KBTBD11: variants seen among roughly 807,000 people sequenced by gnomAD.
KBTBD11 encodes the protein kelch repeat and BTB domain containing 11, also known as kelch repeat and BTB domain-containing protein 11.
For synonymous variants in KBTBD11, 747 were observed against 499.0 expected, an observed-to-expected ratio of 1.50 and a Z score of -6.63; for missense variants, 1,390 against 1,001.8, an observed-to-expected ratio of 1.39 and a Z score of -5.23.
chr8:1,993,568 TC>T (rs1817016718), intron 1 of KBTBD11, among the ~76,000 whole-genome samples: 10 of 100,744 alleles, frequency 9.9e-5, no homozygotes, highest in African/African-American at 3.8e-4. Flanking sequence ...CATCCATCCA[TC>T]CATCCATCCA....
In KBTBD11 at chr8:2,002,034, G is replaced by C. The variant is rs745777013; in HGVS notation, c.842G>C (p.Arg281Pro). Residue 281 changes from arginine to proline, a missense_variant, in exon 2 of 2, where the codon CGG becomes CCG. Arg to Pro is a moderately radical substitution (Grantham distance 103). Transcript: ENST00000320248. The surrounding 1 kb of genome is among the most constrained non-coding windows in gnomAD (Gnocchi z 4.1). ...AVFGRLSGAE[R>P]DLLLRRRLRA... ...TTCGGCCGCCTGTCGGGCGCAGAGC[G>C]GGACCTGCTGCTGCGCCGCCGCCTG... 2 of 1,322,024 alleles carry C rather than the reference G, an allele frequency of 1.5e-6. No homozygotes were observed. The highest frequency in any genetic ancestry group is 2.0e-6 in the Non-Finnish European group (2 of 1,024,554). 81.9% of individuals were successfully genotyped at this position (1,322,024 alleles called of 1,614,324 possible).
intron 1 of KBTBD11, chr8:1,974,738 C>T (rs1020052813): frequency 1.0e-6 from 1 of 983,740 alleles, no homozygotes; most frequent in East Asian, 1.1e-4. Flanking sequence ...GGGGCTCATT[C>T]TGGAGCATGA....
At chr8:1,982,142 A>G (rs75786776) in intron 1 of KBTBD11, among the ~76,000 whole-genome samples, 8,349 of 152,302 alleles carry the variant, frequency 0.055, 751 homozygotes, top group African/African-American at 0.18. Flanking sequence ...AGTTAAAAGT[A>G]TAGAGTTATT....
intron 1 of KBTBD11, among the ~76,000 whole-genome samples, chr8:1,976,954 G>GT (rs142405361): frequency 2.0e-5 from 3 of 152,298 alleles, no homozygotes; most frequent in Non-Finnish European, 4.4e-5. Flanking sequence ...TTATGGCTGA[G>GT]TTAAATTGAT....
At position 2,002,078 on chromosome 8, in the gene KBTBD11, C is replaced by G. The variant is rs1817394770; in HGVS notation, c.886C>G (p.Leu296Val). Residue 296 changes from leucine (L) to valine (V), a missense_variant, in exon 2 of 2, where the codon CTC becomes GTC. By Grantham distance (32) the Leu-to-Val change is conservative (BLOSUM62 1). Coordinates refer to ENST00000320248, the MANE Select transcript of KBTBD11 (RefSeq NM_014867.3). This position sits in a 1 kb window ranked among gnomAD's most constrained non-coding sequence, Gnocchi z 4.1. ...CCGCCTGCGCGCCGGCCGCGCCCAC[C>G]TCTTGGCCGCGGCGCTCGGGCCGGC... ...RRRLRAGRAH[L>V]LAAALGPAGE... 4 of 1,109,922 alleles carry G rather than the reference C, an allele frequency of 3.6e-6. No individual in the cohort carries two copies. Among genetic ancestry groups the G allele is most frequent in the African/African-American group, 1.7e-5 (1 of 59,670 alleles). 68.8% of individuals were successfully genotyped at this position (1,109,922 alleles called of 1,614,324 possible).
At chr8:1,994,021 CAG>C (rs1214279696) in intron 1 of KBTBD11, among the ~76,000 whole-genome samples, 1 of 151,552 alleles carries the variant, frequency 6.6e-6, no homozygotes, top group Non-Finnish European at 1.5e-5. Context: ...TGCAGTAGGA[CAG>C]AGGGGAGTGA....
chr8:2,001,844 G>C lies in KBTBD11; in HGVS notation c.652G>C (p.Gly218Arg), dbSNP rs1224127153. The C allele has an allele frequency of 5.7e-6, 7 of 1,231,620 alleles. No individual in the cohort carries two copies. The highest frequency in any genetic ancestry group is 7.1e-6 in the Non-Finnish European group (7 of 987,944). The allele number at this position is 1,231,620 out of a possible 1,614,324, so 76.3% of individuals were successfully genotyped here. ...CGGCGCGCGCCGCCTGCAGCTGCCCGGCGCCGCGCAGCGCGCCACCGACGC... is the reference window on the plus strand; with the variant it reads ...CGGCGCGCGCCGCCTGCAGCTGCCCCGCGCCGCGCAGCGCGCCACCGACGC... ...VAGARRLQLP[G>R]AAQRATDAVG... is the part of the protein sequence containing the mutation. Residue 218 changes from glycine to arginine, a missense_variant, in exon 2 of 2, where the codon GGC becomes CGC. By Grantham distance (125) the Gly-to-Arg change is moderately radical. Transcript: ENST00000320248.
chr8:1,980,228 CT>C (rs71211538), intron 1 of KBTBD11, among the ~76,000 whole-genome samples: 7,814 of 124,532 alleles, frequency 0.063, 736 homozygotes, highest in African/African-American at 0.22. Context: ...GATAATCAAA[CT>C]TTTTTTTTTT....
At position 2,003,028 on chromosome 8, in the gene KBTBD11, TGA is replaced by T; in HGVS notation, c.1839_1840del (p.Lys614AlafsTer90). 1 of 1,274,970 alleles carries T rather than the reference TGA, an allele frequency of 7.8e-7. No homozygotes were observed. The highest frequency in any genetic ancestry group is 9.9e-7 in the Non-Finnish European group (1 of 1,009,686). 79.0% of individuals were successfully genotyped at this position (1,274,970 alleles called of 1,614,324 possible). A position where few individuals can be genotyped will look rare whatever the true frequency, so the allele number is the denominator to read the frequency against. On this transcript the variant is annotated frameshift_variant, in exon 2 of 2. Transcript: ENST00000320248. LOFTEE classifies it low-confidence loss of function (END_TRUNC). ...VLIPFALSLP[E>X]KPPRGEQGAP ...TCATCCCGTTCGCTCTCAGCCTGCC[TGA>T]GAAGCCGCCCCGAGGGGAGCAGGGC...
chr8:1,985,719 G>T (rs1459150931), intron 1 of KBTBD11, among the ~76,000 whole-genome samples: 2 of 152,228 alleles, frequency 1.3e-5, no homozygotes, highest in African/African-American at 4.8e-5. Flanking sequence ...CAGCGCTTTG[G>T]GAGTCCCAGG....
chr8:2,002,657 CG>C lies in KBTBD11; in HGVS notation c.1466del (p.Arg489ProfsTer19). 1 of 1,574,110 alleles carries C rather than the reference CG, an allele frequency of 6.4e-7. No individual in the cohort carries two copies. The stretch of plus-strand genomic sequence containing the variant: ...GCAGGAGTGCCCGTGCAGCAGCAGC[CG>C]CGAGCGCTCGGCCGACATGGTGGCT... ...EWQECPCSSS[R>X]ERSADMVALD... On this transcript the variant is annotated frameshift_variant, in exon 2 of 2. Coordinates refer to ENST00000320248, the MANE Select transcript of KBTBD11 (RefSeq NM_014867.3). LOFTEE classifies it low-confidence loss of function (END_TRUNC). The surrounding 1 kb of genome is among the most constrained non-coding windows in gnomAD (Gnocchi z 4.1).
rs1189688455 is a variant in KBTBD11 at position 2,002,873 on chromosome 8, G to A, written c.1681G>A (p.Ala561Thr). 51 of 1,345,878 alleles carry A rather than the reference G, an allele frequency of 3.8e-5. No individual in the cohort carries two copies. The highest frequency in any genetic ancestry group is 4.1e-5 in the Admixed American group (1 of 24,638). 83.4% of individuals were successfully genotyped at this position (1,345,878 alleles called of 1,614,324 possible). A position where few individuals can be genotyped will look rare whatever the true frequency, so the allele number is the denominator to read the frequency against. The change falls in exon 2 of 2, where the codon GCC (alanine) becomes ACC (threonine). Residue 561 changes from alanine (A) to threonine (T), a missense_variant. Coordinates refer to ENST00000320248, the MANE Select transcript of KBTBD11 (RefSeq NM_014867.3). This position sits in a 1 kb window ranked among gnomAD's most constrained non-coding sequence, Gnocchi z 4.1. ...QPFRCAALDG[A>T]IYCVSRAGTW... ...CTTCCGCTGCGCCGCCCTGGACGGC[G>A]CCATCTACTGCGTGAGCCGCGCGGG...
In KBTBD11 at chr8:2,001,409, G is replaced by C. The variant is rs1385491676; in HGVS notation, c.217G>C (p.Val73Leu). The C allele has an allele frequency of 1.4e-6, 2 of 1,401,644 alleles. No homozygotes were observed. The highest frequency in any genetic ancestry group is 1.8e-6 in the Non-Finnish European group (2 of 1,082,466). 86.8% of individuals were successfully genotyped at this position (1,401,644 alleles called of 1,614,324 possible). A position where few individuals can be genotyped will look rare whatever the true frequency, so the allele number is the denominator to read the frequency against. The change falls in exon 2 of 2, where the codon GTG (valine) becomes CTG (leucine). Residue 73 changes from valine to leucine, a missense_variant. Coordinates refer to ENST00000320248, the MANE Select transcript of KBTBD11 (RefSeq NM_014867.3). Reference sequence around the variant, plus strand: ...CCCGCCCTCCAGCGGTGGCCCGCGGGTGGTGGAGCGGCAGTGGGAGGCCGG... The same window carrying C: ...CCCGCCCTCCAGCGGTGGCCCGCGGCTGGTGGAGCGGCAGTGGGAGGCCGG... ...TSPPSSGGPR[V>L]VERQWEAGSA...
At position 2,004,006 on chromosome 8, in the gene KBTBD11, A is replaced by C. The variant is rs965604873; in HGVS notation, c.*942A>C. 2 of 166,752 alleles carry C rather than the reference A, an allele frequency of 1.2e-5. No individual in the cohort carries two copies. The highest frequency in any genetic ancestry group is 1.3e-4 in the Admixed American group (2 of 15,262). The allele number at this position is 166,752 out of a possible 1,614,324, so 10.3% of individuals were successfully genotyped here. On this transcript the variant is annotated 3_prime_UTR_variant, in exon 2 of 2. Coordinates refer to ENST00000320248, the MANE Select transcript of KBTBD11 (RefSeq NM_014867.3). ...ATCATTTTGCTTTGACAGTTCTATA[A>C]AAAAAAGTGTAGGCACATTTTAAAC... is the stretch of plus-strand genomic sequence containing the variant.
At chr8:1,975,183 A>G (rs1281209614) in intron 1 of KBTBD11, 2 of 152,270 alleles carry the variant, frequency 1.3e-5, no homozygotes, top group African/African-American at 2.4e-5. Flanking sequence ...GGTAACTGGC[A>G]TTGCAATGCT....
chr8:1,982,740 G>A (rs1816580670), intron 1 of KBTBD11, among the ~76,000 whole-genome samples: 1 of 150,618 alleles, frequency 6.6e-6, no homozygotes, highest in South Asian at 2.1e-4. Context: ...ATGAGTTGCT[G>A]AGCACTTTTT....
intron 1 of KBTBD11, chr8:1,974,334 C>CGCCCCCGCCGAGGGT (rs1279845054): frequency 2.0e-6 from 2 of 984,456 alleles, no homozygotes; most frequent in Admixed American, 1.2e-4. Flanking sequence ...CCGCAGTCAC[C>CGCCCCCGCCGAGGGT]GCCCCCGCCG....
chr8:1,981,853 C>G (rs540801228), intron 1 of KBTBD11, among the ~76,000 whole-genome samples: 5 of 152,144 alleles, frequency 3.3e-5, no homozygotes, highest in Non-Finnish European at 7.3e-5. Context: ...TATTCGCTTC[C>G]CTGGTTCTGA....
In KBTBD11 at chr8:2,003,104, G is replaced by C; in HGVS notation, c.*40G>C. 7.9e-7 allele frequency: 1 copy of C among 1,257,924 alleles called. No homozygotes were observed. The highest frequency in any genetic ancestry group is 3.2e-5 in the East Asian group (1 of 31,654). The allele number at this position is 1,257,924 out of a possible 1,614,324, so 77.9% of individuals were successfully genotyped here. A position where few individuals can be genotyped will look rare whatever the true frequency, so the allele number is the denominator to read the frequency against. The stretch of plus-strand genomic sequence containing the variant: ...CGGGCGTCTCCCTCGGCAGGGGTTT[G>C]CGGGGCCCAGGTCCCTTTGGGCCCG... On this transcript the variant is annotated 3_prime_UTR_variant, in exon 2 of 2. Transcript: ENST00000320248.
Sources: allele counts gnomAD v4.1 joint callset (sites outside exome capture counted in the v4.1 genomes callset), GRCh38; gene constraint gnomAD v4.1.1; non-coding constraint Gnocchi (gnomAD v3.1); transcripts MANE v1.5; gene names NCBI Gene and HGNC (gene_info 2026-07-23, HGNC 2026-07-21).